USP37: variants seen among roughly 807,000 people sequenced by gnomAD.
The protein encoded by USP37 is ubiquitin specific peptidase 37.
USP37 carries 27 observed loss-of-function variants against 124.0 expected under a neutral mutation model. The ratio of observed to expected loss-of-function variants is 0.22; its 90% CI spans 0.16 to 0.30. The LOEUF is 0.30. Ranked by LOEUF, USP37 falls within the 10% of genes least tolerant of loss-of-function variation. The pLI is 1.00. For synonymous variants in USP37, 365 were observed against 388.0 expected, an observed-to-expected ratio of 0.94 and a Z score of 0.70; for missense variants, 889 against 1,140.4, an observed-to-expected ratio of 0.78 and a Z score of 3.17.
chr2:218,481,801 G>A (rs1691287077), intron 17 of USP37, among the ~76,000 whole-genome samples: 1 of 151,046 alleles, frequency 6.6e-6, no homozygotes, highest in Admixed American at 6.6e-5. Flanking sequence ...CTACAGGTGT[G>A]TGCCACCATG....
intron 1 of USP37, among the ~76,000 whole-genome samples, chr2:218,564,363 T>C (rs369228422): frequency 2.0e-5 from 3 of 152,236 alleles, no homozygotes; most frequent in African/African-American, 7.2e-5. Context: ...TTATCTCTAT[T>C]TCACAGATGA....
intron 20 of USP37, among the ~76,000 whole-genome samples, chr2:218,468,014 A>G (rs1217542520): frequency 6.6e-6 from 1 of 150,800 alleles, no homozygotes; most frequent in Non-Finnish European, 1.5e-5. Context: ...CAGCCTCCCG[A>G]GTAGCTGGGA....
chr2:218,490,890 T>C (rs986555495), intron 14 of USP37, among the ~76,000 whole-genome samples: 1 of 152,208 alleles, frequency 6.6e-6, no homozygotes, highest in Non-Finnish European at 1.5e-5. Context: ...CTGTTTGTTT[T>C]TGAGACAGGC....
chr2:218,542,371 A>G (rs573368772), intron 8 of USP37, among the ~76,000 whole-genome samples: 1 of 152,330 alleles, frequency 6.6e-6, no homozygotes, highest in East Asian at 1.9e-4. Context: ...GGACTTCCCA[A>G]AAGTGTAGTG....
rs1689587532 is a variant in USP37 at position 218,454,439 on chromosome 2, G to GA, written c.*490dup. 1 of 152,832 alleles carries GA rather than the reference G, an allele frequency of 6.5e-6. No individual in the cohort carries two copies. 9.5% of individuals were successfully genotyped at this position (152,832 alleles called of 1,614,324 possible). A position where few individuals can be genotyped will look rare whatever the true frequency, so the allele number is the denominator to read the frequency against. ...AACACAAAAGGTTACAGACTTGAGT[G>GA]AAACTACTCAAGGAACATAAAAGCT... On this transcript the variant is annotated 3_prime_UTR_variant, in exon 26 of 26. Transcript: ENST00000258399.
At chr2:218,534,399 G>C (rs1162270252) in intron 9 of USP37, among the ~76,000 whole-genome samples, 1 of 152,192 alleles carries the variant, frequency 6.6e-6, no homozygotes, top group Non-Finnish European at 1.5e-5. Flanking sequence ...TGAGGCAGGA[G>C]AATCACTTGA....
rs553438067 is a variant in USP37 at position 218,505,118 on chromosome 2, A to AATCCTCCCACCTCAGCC, written c.1025+4844_1025+4860dup. ...TGGCCTCGACCTCCCAGGCTCAAGC[A>AATCCTCCCACCTCAGCC]ATCCTCCCACCTCAGCCTCCCAAGC... On this transcript the variant is annotated intron_variant, in intron 11 of 25. Transcript: ENST00000258399. 4.7e-3 allele frequency among the ~76,000 whole-genome samples: 718 copies of AATCCTCCCACCTCAGCC among 152,182 alleles called. 4 individuals carry two copies. Among genetic ancestry groups the AATCCTCCCACCTCAGCC allele is most frequent in the Admixed American group, 7.1e-3 (109 of 15,282 alleles).
At chr2:218,481,557 G>A (rs896180337) in intron 17 of USP37, among the ~76,000 whole-genome samples, 1 of 152,002 alleles carries the variant, frequency 6.6e-6, no homozygotes, top group Non-Finnish European at 1.5e-5. Context: ...ACTATGAAAA[G>A]CAACTAATAA....
At chr2:218,479,210 C>T (rs1467093274) in intron 18 of USP37, among the ~76,000 whole-genome samples, 4 of 152,146 alleles carry the variant, frequency 2.6e-5, no homozygotes, top group African/African-American at 9.7e-5. Flanking sequence ...AAAACAACTC[C>T]TATTCGGTGT....
At chr2:218,492,273 T>C (rs573004836) in intron 14 of USP37, among the ~76,000 whole-genome samples, 2 of 152,068 alleles carry the variant, frequency 1.3e-5, no homozygotes, top group East Asian at 1.9e-4. Context: ...ATAGAGGAAA[T>C]GGTAAGTGCA....
intron 10 of USP37, among the ~76,000 whole-genome samples, chr2:218,512,560 C>G (rs1214766147): frequency 6.6e-6 from 1 of 152,044 alleles, no homozygotes; most frequent in Non-Finnish European, 1.5e-5. Flanking sequence ...ATAGAATACT[C>G]ACATGGGAAA....
intron 10 of USP37, among the ~76,000 whole-genome samples, chr2:218,515,220 T>A (rs1690210534): frequency 6.6e-6 from 1 of 151,792 alleles, no homozygotes; most frequent in African/African-American, 2.4e-5. Flanking sequence ...TTTTTTTTTT[T>A]AAGAGCCCGT....
Position 218,454,855 on chromosome 2 carries a change from C to T in USP37, c.*75G>A. On this transcript the variant is annotated 3_prime_UTR_variant, in exon 26 of 26. Coordinates refer to ENST00000258399, the MANE Select transcript of USP37 (RefSeq NM_020935.3). The stretch of plus-strand genomic sequence containing the variant: ...GCATCAAGTAGAATTCCAAATTCTC[C>T]TTCAGCAGAGGAAAGGTGAGGTGGG... 1 of 1,571,816 alleles carries T rather than the reference C, an allele frequency of 6.4e-7. No homozygotes were observed. The highest frequency in any genetic ancestry group is 2.0e-5 in the Admixed American group (1 of 49,898).
At chr2:218,477,011 G>C in intron 18 of USP37, 30 bp from the exon 19 acceptor site, 1 of 1,465,990 alleles carries the variant, frequency 6.8e-7, no homozygotes, top group Non-Finnish European at 9.1e-7. Flanking sequence ...AAAAAAGCCT[G>C]ATAAACATTT....
chr2:218,499,676 G>A (rs577940403), intron 11 of USP37, among the ~76,000 whole-genome samples: 4 of 152,226 alleles, frequency 2.6e-5, no homozygotes, highest in Admixed American at 6.5e-5. Context: ...ATCACATGCT[G>A]TTTTCATGTA....
chr2:218,528,905 A>ACATTCAC, intron 10 of USP37: 1 of 400,204 alleles, frequency 2.5e-6, no homozygotes, highest in Non-Finnish European at 4.4e-6. Context: ...TTAATAAAAG[A>ACATTCAC]CATTCACTGC....
chr2:218,485,196 A>G (rs757362358), intron 16 of USP37, among the ~76,000 whole-genome samples: 12 of 152,190 alleles, frequency 7.9e-5, no homozygotes, highest in Non-Finnish European at 1.6e-4. Flanking sequence ...AAAATTGACT[A>G]GCTAGTTCTT....
At chr2:218,480,398 CAAAAAA>C (rs397868988) in intron 17 of USP37, among the ~76,000 whole-genome samples, 3 of 48,864 alleles carry the variant, frequency 6.1e-5, no homozygotes, top group Admixed American at 3.0e-4. Flanking sequence ...GACTCCGTCT[CAAAAAA>C]AAAAAAAAAA....
chr2:218,558,765 C>A, intron 3 of USP37, 88 bp from the exon 4 acceptor site: 1 of 1,010,276 alleles, frequency 9.9e-7, no homozygotes, highest in Non-Finnish European at 1.4e-6. Flanking sequence ...TAATTAATTT[C>A]TAACCACCAT....
Sources: gnomAD v4.1 joint callset for allele counts (sites outside exome capture counted in the v4.1 genomes callset) on GRCh38, gnomAD v4.1.1 for gene constraint, MANE v1.5 for transcripts, NCBI Gene and HGNC (gene_info 2026-07-23, HGNC 2026-07-21) for gene names.